Variants in B9D1 observed in about 807,000 individuals in gnomAD.
B9D1 encodes the protein B9 domain-containing protein 1.
B9D1 carries 20 observed loss-of-function variants against 26.1 expected under a neutral mutation model. The ratio of observed to expected loss-of-function variants is 0.77; its 90% confidence interval spans 0.54 to 1.12. The LOEUF (loss-of-function observed/expected upper bound fraction) is 1.12. Among genes scored for constraint, B9D1 ranks in the 50% most tolerant of loss-of-function variants. The pLI, the probability that B9D1 is intolerant of heterozygous loss-of-function variation, is 0.00. For missense variants in B9D1, 260 were observed against 273.7 expected (o/e 0.95, Z 0.35); for synonymous variants, 105 against 103.1 (o/e 1.02, Z -0.11).
downstream of B9D1, chr17:19,341,264 C>T (rs1209816889): frequency 8.1e-7 from 1 of 1,231,662 alleles, no homozygotes. Flanking sequence ...TGGACCAAGG[C>T]CAGTGCCCTG....
At chr17:19,373,325 A>G (rs886832464) in intron 1 of B9D1, among the ~76,000 whole-genome samples, 11 of 152,100 alleles carry the variant, frequency 7.2e-5, no homozygotes, top group Admixed American at 2.6e-4. Context: ...CATTTTGGTG[A>G]CATCTCCATT....
chr17:19,373,637 G>C (rs1245916436), intron 1 of B9D1, among the ~76,000 whole-genome samples: 1 of 152,138 alleles, frequency 6.6e-6, no homozygotes, highest in East Asian at 1.9e-4. Context: ...GACCTCAGGT[G>C]ATCCACCTGC....
At position 19,343,971 on chromosome 17, in the gene B9D1, G is replaced by A. The variant is rs914499856; in HGVS notation, c.405-114C>T. 1.4e-5 allele frequency: 20 copies of A among 1,474,862 alleles called. No homozygotes were observed. The Admixed American group carries it at 1.4e-4, about 10-fold the overall frequency. 91.4% of individuals were successfully genotyped at this position (1,474,862 alleles called of 1,614,324 possible). A position where few individuals can be genotyped will look rare whatever the true frequency, so the allele number is the denominator to read the frequency against. ...AGAAACCAGCACTCTTGTTCCAACCGCACCCCACCCCCACCAGGAGTCAGG... is the reference window on the plus strand; with the variant it reads ...AGAAACCAGCACTCTTGTTCCAACCACACCCCACCCCCACCAGGAGTCAGG... On this transcript the variant is annotated intron_variant, in intron 5 of 6. Coordinates refer to ENST00000261499, the MANE Select transcript of B9D1 (RefSeq NM_015681.6).
At chr17:19,335,811 C>T (rs555767920), downstream of B9D1, 539 of 203,574 alleles carry the variant, frequency 2.6e-3, 10 homozygotes, top group Middle Eastern at 9.1e-3. Flanking sequence ...CTGTCCTCAC[C>T]TCACCCACCA....
chr17:19,365,957 G>A (rs568060251), upstream of B9D1, among the ~76,000 whole-genome samples: 3 of 151,476 alleles, frequency 2.0e-5, 1 homozygote, highest in Admixed American at 2.0e-4. This position sits in a 1 kb window ranked among gnomAD's most constrained non-coding sequence, Gnocchi z 5.0. Context: ...CATGCCTCCT[G>A]GTTTGCACAT....
At chr17:19,358,912 C>T (rs1204725443) in intron 2 of B9D1, among the ~76,000 whole-genome samples, 1 of 152,210 alleles carries the variant, frequency 6.6e-6, no homozygotes, top group Non-Finnish European at 1.5e-5. Context: ...CCAGGTAGCT[C>T]TCCCCAATCT....
At chr17:19,339,269 C>T (rs1254152324), downstream of B9D1, among the ~76,000 whole-genome samples, 3 of 152,062 alleles carry the variant, frequency 2.0e-5, no homozygotes, top group African/African-American at 7.2e-5. Context: ...CCAGTTCTTT[C>T]CTCCTTACTG....
chr17:19,351,444 G>A (rs771316612), intron 3 of B9D1, among the ~76,000 whole-genome samples: 36 of 152,156 alleles, frequency 2.4e-4, no homozygotes, highest in Non-Finnish European at 4.1e-4. Context: ...GTTCATGAAG[G>A]AGTTTCTTCT....
chr17:19,337,666 TC>T (rs1196441677), downstream of B9D1: 2 of 1,512,974 alleles, frequency 1.3e-6, no homozygotes, highest in Non-Finnish European at 1.8e-6. Context: ...CGCGGAAGTT[TC>T]TCACAGAAGT....
chr17:19,351,838 G>C (rs955331982), intron 3 of B9D1, among the ~76,000 whole-genome samples: 1 of 152,088 alleles, frequency 6.6e-6, no homozygotes, highest in African/African-American at 2.4e-5. Context: ...CTGTCTGCAA[G>C]ATCTGTAACA....
chr17:19,362,741 G>A (rs1248745286), upstream of B9D1: 4 of 1,520,564 alleles, frequency 2.6e-6, no homozygotes, highest in Admixed American at 2.0e-5. Context: ...CAGTGAACGG[G>A]CGCCGTTATA....
Position 19,343,269 on chromosome 17 carries a change from TTC to T in B9D1, c.*48_*49del. 6.2e-7 allele frequency: 1 copy of T among 1,612,776 alleles called. No individual in the cohort carries two copies. Among genetic ancestry groups the T allele is most frequent in the Non-Finnish European group, 8.5e-7 (1 of 1,179,680 alleles). The stretch of plus-strand genomic sequence containing the variant: ...CTCAGGCCGATGGGCAGCGGCTGAC[TTC>T]GGGAAGGCAGCCCTTCATTATCAGA... On this transcript the variant is annotated 3_prime_UTR_variant, in exon 7 of 7. Coordinates refer to ENST00000261499, the MANE Select transcript of B9D1 (RefSeq NM_015681.6).
chr17:19,370,693 G>A lies in B9D1; in HGVS notation c.-298+7166C>T, dbSNP rs1407825514. 6.6e-6 allele frequency among the ~76,000 whole-genome samples: 1 copy of A among 152,178 alleles called. No homozygotes were observed. The highest frequency in any genetic ancestry group is 1.9e-4 in the East Asian group (1 of 5,186). ...ATGGTGGAAGCAGGGGTGAGGCCCC[G>A]AGAGGTGTCTGGAGCCATCTGGCCG... On this transcript the variant is annotated intron_variant, in intron 1 of 5. Coordinates refer to the B9D1 transcript ENST00000477478. This position sits in a 1 kb window ranked among gnomAD's most constrained non-coding sequence, Gnocchi z 5.1.
chr17:19,335,810 CCT>C, downstream of B9D1: 1 of 203,728 alleles, frequency 4.9e-6, no homozygotes, highest in Non-Finnish European at 9.8e-6. Flanking sequence ...ACTGTCCTCA[CCT>C]CACCCACCAC....
At chr17:19,360,205 CT>C (rs1910865934) in intron 2 of B9D1, 114 bp downstream of exon 2, 5 of 1,007,656 alleles carry the variant, frequency 5.0e-6, no homozygotes, top group African/African-American at 1.6e-5. Flanking sequence ...TTGGGTTCCC[CT>C]GAACTCAGTC....
At chr17:19,337,623 G>T, downstream of B9D1, 2 of 1,192,778 alleles carry the variant, frequency 1.7e-6, no homozygotes, top group Non-Finnish European at 2.4e-6. Flanking sequence ...TGGTTACGCT[G>T]CAGTAACACA....
chr17:19,339,496 CCAA>C (rs1907727822), downstream of B9D1, among the ~76,000 whole-genome samples: 1 of 152,192 alleles, frequency 6.6e-6, no homozygotes, highest in African/African-American at 2.4e-5. Flanking sequence ...AGCTGCTTAG[CCAA>C]CAAGAGTTTG....
intron 1 of B9D1, among the ~76,000 whole-genome samples, chr17:19,376,762 G>A (rs1193615688): frequency 2.0e-5 from 3 of 149,990 alleles, no homozygotes; most frequent in Non-Finnish European, 4.4e-5. Flanking sequence ...ACTCCAGCCT[G>A]GGCAACAGAG....
At chr17:19,369,774 G>A (rs541922558) in intron 1 of B9D1, among the ~76,000 whole-genome samples, 1 of 152,318 alleles carries the variant, frequency 6.6e-6, no homozygotes, top group African/African-American at 2.4e-5. Context: ...TGGGTATCCT[G>A]TATTTTAGCT....
Sources: allele counts gnomAD v4.1 joint callset (sites outside exome capture counted in the v4.1 genomes callset), GRCh38; gene constraint gnomAD v4.1.1; non-coding constraint Gnocchi (gnomAD v3.1); transcripts MANE v1.5; gene names NCBI Gene and HGNC (gene_info 2026-07-23, HGNC 2026-07-21).